Variants in CERS6 observed in about 807,000 individuals in gnomAD.
The protein encoded by CERS6 is ceramide synthase 6.
A neutral mutation model predicts 56.8 loss-of-function variants in CERS6; 26 were observed. The observed-to-expected ratio is 0.46, with a 90% CI of 0.34 to 0.63. The LOEUF is 0.63. CERS6 is among the 30% of genes least tolerant of loss of function. The probability of loss-of-function intolerance (pLI) is 0.01; values close to 1 mark genes in which losing one functional copy is unlikely to be tolerated. For synonymous variants in CERS6, 164 were observed against 173.3 expected, an observed-to-expected ratio of 0.95 and a Z score of 0.42; for missense variants, 415 against 467.5, an observed-to-expected ratio of 0.89 and a Z score of 1.04.
intron 3 of CERS6, among the ~76,000 whole-genome samples, chr2:168,596,553 C>CA (rs1214813642): frequency 7.3e-6 from 1 of 136,626 alleles, no homozygotes; most frequent in Non-Finnish European, 1.5e-5. Context: ...CCATCCCCCC[C>CA]CCTTTTTTTT....
intron 6 of CERS6, among the ~76,000 whole-genome samples, chr2:168,705,575 A>G (rs1686919772): frequency 6.6e-6 from 1 of 152,100 alleles, no homozygotes; most frequent in Non-Finnish European, 1.5e-5. Context: ...CCTCCTGACA[A>G]TTTACATGCC....
rs770067995 is a variant in CERS6 at position 168,547,609 on chromosome 2, C to T, written c.184C>T (p.Pro62Ser). ...RLIFERFVAK[P>S]CAIALNIQAN... Reference sequence around the variant, plus strand: ...TGTAATTTTTAGATTTGTAGCCAAACCGTGCGCCATAGCCCTCAACATTCA... The same window carrying T: ...TGTAATTTTTAGATTTGTAGCCAAATCGTGCGCCATAGCCCTCAACATTCA... Residue 62 changes from proline (P) to serine (S), a missense_variant, in exon 2 of 10, where the codon CCG becomes TCG. Transcript: ENST00000305747. 138 of 1,612,850 alleles carry T rather than the reference C, an allele frequency of 8.6e-5. No homozygotes were observed. The highest frequency in any genetic ancestry group is 1.1e-4 in the Non-Finnish European group (134 of 1,178,980).
intron 3 of CERS6, among the ~76,000 whole-genome samples, chr2:168,571,369 T>A (rs1695983179): frequency 1.3e-5 from 2 of 152,070 alleles, no homozygotes; most frequent in African/African-American, 4.8e-5. Flanking sequence ...TGTCTATTTG[T>A]CCTGAAACTT....
intron 4 of CERS6, among the ~76,000 whole-genome samples, chr2:168,689,401 A>G (rs533582450): frequency 3.8e-4 from 58 of 152,308 alleles, no homozygotes; most frequent in Non-Finnish European, 7.5e-4. Context: ...TTTATATTAC[A>G]TAGGGACAAA....
intron 8 of CERS6, among the ~76,000 whole-genome samples, chr2:168,763,545 A>G (rs1345935676): frequency 2.6e-5 from 4 of 152,248 alleles, no homozygotes; most frequent in African/African-American, 9.6e-5. Flanking sequence ...TACAGGCGTG[A>G]GCCATCGTGC....
At chr2:168,756,661 C>T (rs1395790936) in intron 8 of CERS6, among the ~76,000 whole-genome samples, 1 of 152,158 alleles carries the variant, frequency 6.6e-6, no homozygotes, top group Non-Finnish European at 1.5e-5. Flanking sequence ...AAATGCTGAA[C>T]AGAGATATTG....
At chr2:168,745,320 C>A (rs1430961601) in intron 8 of CERS6, among the ~76,000 whole-genome samples, 1 of 151,850 alleles carries the variant, frequency 6.6e-6, no homozygotes, top group Non-Finnish European at 1.5e-5. Flanking sequence ...CGGCTCACTG[C>A]AAGGTCCGCC....
chr2:168,554,080 A>C (rs1224131420), intron 2 of CERS6, among the ~76,000 whole-genome samples: 1 of 152,158 alleles, frequency 6.6e-6, no homozygotes. Flanking sequence ...GGCTACTTTA[A>C]ATATTGCTCA....
At position 168,599,529 on chromosome 2, in the gene CERS6, G is replaced by A. The variant is rs374718233; in HGVS notation, c.408-31456G>A. The stretch of plus-strand genomic sequence containing the variant: ...GGAGTAAATCCAACTGTGAGTGCTA[G>A]GGTTTATTATCTTGTCCTGAAAGAC... On this transcript the variant is annotated intron_variant, in intron 3 of 9. Coordinates refer to ENST00000305747, the MANE Select transcript of CERS6 (RefSeq NM_203463.3). 1.4e-4 allele frequency among the ~76,000 whole-genome samples: 21 copies of A among 152,274 alleles called. No homozygotes were observed. The East Asian group carries it at 3.5e-3, about 25-fold the overall frequency.
At chr2:168,723,820 G>A (rs571125482) in intron 8 of CERS6, among the ~76,000 whole-genome samples, 40 of 152,296 alleles carry the variant, frequency 2.6e-4, no homozygotes, top group African/African-American at 9.1e-4. Flanking sequence ...CCAAGATAAT[G>A]TGTCTGTATT....
intron 1 of CERS6, among the ~76,000 whole-genome samples, chr2:168,474,035 G>C (rs1331095149): frequency 6.6e-6 from 1 of 152,118 alleles, no homozygotes; most frequent in Non-Finnish European, 1.5e-5. Flanking sequence ...CTGTACTCCA[G>C]CTTGATCAAC....
intron 6 of CERS6, among the ~76,000 whole-genome samples, chr2:168,699,188 T>C (rs755758375): frequency 5.3e-5 from 8 of 152,176 alleles, no homozygotes; most frequent in Non-Finnish European, 1.0e-4. Context: ...GTTCTAGCCA[T>C]TAGTGAGGAT....
intron 1 of CERS6, among the ~76,000 whole-genome samples, chr2:168,532,686 A>G (rs1427343630): frequency 6.6e-6 from 1 of 152,022 alleles, no homozygotes; most frequent in Non-Finnish European, 1.5e-5. Context: ...GTTCATCTCT[A>G]TTTTTAACAA....
intron 4 of CERS6, among the ~76,000 whole-genome samples, chr2:168,657,580 C>T (rs529199087): frequency 6.6e-6 from 1 of 152,234 alleles, no homozygotes; most frequent in Non-Finnish European, 1.5e-5. Context: ...CCGAGCCCTG[C>T]CCCGTGGGAA....
intron 3 of CERS6, among the ~76,000 whole-genome samples, chr2:168,569,619 A>T (rs2105387563): frequency 6.6e-6 from 1 of 152,380 alleles, no homozygotes; most frequent in South Asian, 2.1e-4. Flanking sequence ...TTTCTGGCAG[A>T]CAAAATCAGA....
chr2:168,588,181 A>G (rs1218366979), intron 3 of CERS6, among the ~76,000 whole-genome samples: 1 of 151,670 alleles, frequency 6.6e-6, no homozygotes, highest in Non-Finnish European at 1.5e-5. Context: ...CAGCCTTCCA[A>G]AATGTTGGGA....
chr2:168,673,987 T>C (rs1328963798), intron 4 of CERS6, among the ~76,000 whole-genome samples: 4 of 152,198 alleles, frequency 2.6e-5, no homozygotes. Flanking sequence ...TCTCCTAGGA[T>C]ATGAGTTTGG....
At position 168,775,058 on chromosome 2, in the gene CERS6, T is replaced by A. The variant is rs1210005555; in HGVS notation, c.*5396T>A. On this transcript the variant is annotated 3_prime_UTR_variant, in exon 10 of 10. Coordinates refer to ENST00000305747, the MANE Select transcript of CERS6 (RefSeq NM_203463.3). The stretch of plus-strand genomic sequence containing the variant: ...AAAATATAATTATTCATTCTTGATC[T>A]CTGGAAGCAATCATTATTATGAGGA... 6.6e-6 allele frequency: 1 copy of A among 152,242 alleles called. No homozygotes were observed. Among genetic ancestry groups the A allele is most frequent in the Non-Finnish European group, 1.5e-5 (1 of 68,048 alleles). 9.4% of individuals were successfully genotyped at this position (152,242 alleles called of 1,614,324 possible).
At chr2:168,659,483 A>G (rs1019667435) in intron 4 of CERS6, among the ~76,000 whole-genome samples, 1 of 152,208 alleles carries the variant, frequency 6.6e-6, no homozygotes, top group Admixed American at 6.5e-5. Flanking sequence ...ATTGTTCATC[A>G]GATTACTTTT....
Sources: allele counts gnomAD v4.1 joint callset (sites outside exome capture counted in the v4.1 genomes callset), GRCh38; gene constraint gnomAD v4.1.1; transcripts MANE v1.5; gene names NCBI Gene and HGNC (gene_info 2026-07-23, HGNC 2026-07-21).